Variants in MIEF1 observed in about 807,000 individuals in gnomAD.
MIEF1 encodes mitochondrial elongation factor 1, also known as mitochondrial dynamics protein MIEF1.
MIEF1 carries 14 observed loss-of-function variants against 35.1 expected under a neutral mutation model. The observed-to-expected ratio is 0.40, with a 90% confidence interval of 0.26 to 0.62. The LOEUF (loss-of-function observed/expected upper bound fraction) is 0.62, where lower values mean the gene tolerates loss of function less well. Ranked by LOEUF, MIEF1 falls within the 20% of genes least tolerant of loss-of-function variation. The probability of loss-of-function intolerance (pLI) is 0.43; values close to 1 mark genes in which losing one functional copy is unlikely to be tolerated. For missense variants in MIEF1, 542 were observed against 615.4 expected, an observed-to-expected ratio of 0.88 and a Z score of 1.26; for synonymous variants, 245 against 254.3, an observed-to-expected ratio of 0.96 and a Z score of 0.35.
chr22:39,512,371 G>C lies in MIEF1; in HGVS notation c.462G>C (p.Gln154His). 1 of 1,614,248 alleles carries C rather than the reference G, an allele frequency of 6.2e-7. No homozygotes were observed. Among genetic ancestry groups the C allele is most frequent in the Non-Finnish European group, 8.5e-7 (1 of 1,180,048 alleles). The change falls in exon 5 of 6, where the codon CAG becomes CAC. Residue 154 changes from glutamine (Q) to histidine (H), a missense_variant. By Grantham distance (24) the Gln-to-His change is conservative. Transcript: ENST00000325301. ...RNRAAIPAGE[Q>H]ARAKQAAVDI... ...GGGCAGCCATCCCTGCTGGAGAGCA[G>C]GCTCGGGCCAAGCAAGCTGCTGTGG...
At chr22:39,508,968 A>G (rs1930192014) in intron 2 of MIEF1, among the ~76,000 whole-genome samples, 1 of 151,676 alleles carries the variant, frequency 6.6e-6, no homozygotes, top group Non-Finnish European at 1.5e-5. Context: ...AAGGAATGTT[A>G]TTTTACATGG....
chr22:39,511,558 A>G (rs1012094670), intron 3 of MIEF1, 120 bp downstream of exon 3: 13 of 1,394,832 alleles, frequency 9.3e-6, no homozygotes, highest in Non-Finnish European at 1.2e-5. Context: ...GATAAGTGAA[A>G]AAAACAGGTT....
rs762610621 is a variant in MIEF1 at position 39,514,260 on chromosome 22, A to C, written c.1329A>C (p.Ile443=). The change falls in exon 6 of 6, where the codon ATA becomes ATC. Residue 443 remains isoleucine, a synonymous_variant. Coordinates refer to ENST00000325301, the MANE Select transcript of MIEF1 (RefSeq NM_019008.6). ...NLFAELTPEE[I]DELGYTLYCS... Reference sequence around the variant, plus strand: ...TTGCAGAGCTCACCCCTGAAGAAATAGACGAATTAGGATACACTCTGTATT... The same window carrying C: ...TTGCAGAGCTCACCCCTGAAGAAATCGACGAATTAGGATACACTCTGTATT... 2.5e-6 allele frequency: 4 copies of C among 1,614,212 alleles called. No individual in the cohort carries two copies. Among genetic ancestry groups the C allele is most frequent in the Non-Finnish European group, 3.4e-6 (4 of 1,180,046 alleles).
At chr22:39,509,184 G>A (rs979175444) in intron 2 of MIEF1, among the ~76,000 whole-genome samples, 5 of 152,096 alleles carry the variant, frequency 3.3e-5, no homozygotes, top group African/African-American at 7.2e-5. Context: ...TTGAACTTCC[G>A]ACCTCGTGAT....
Position 39,510,441 on chromosome 22 carries a change from T to C in MIEF1, c.-7-847T>C, listed in dbSNP as rs143564043. 6.3e-3 allele frequency among the ~76,000 whole-genome samples: 957 copies of C among 152,230 alleles called. 12 individuals are homozygous for C. Among genetic ancestry groups the C allele is most frequent in the African/African-American group, 0.021 (870 of 41,524 alleles). ...TGCCACCATGCTCAATTTATTTTTA[T>C]CTTTTACTTTTGGAGATGGGGGTCT... On this transcript the variant is annotated intron_variant, in intron 2 of 5. Coordinates refer to ENST00000325301, the MANE Select transcript of MIEF1 (RefSeq NM_019008.6).
chr22:39,500,949 A>G (rs1201209477), upstream of MIEF1, among the ~76,000 whole-genome samples: 1 of 152,040 alleles, frequency 6.6e-6, no homozygotes, highest in Non-Finnish European at 1.5e-5. Context: ...CGCCCACCTC[A>G]GCCTCCCAAA....
At position 39,513,960 on chromosome 22, in the gene MIEF1, C is replaced by G. The variant is rs143141890; in HGVS notation, c.1029C>G (p.Pro343=). 2 of 1,613,230 alleles carry G rather than the reference C, an allele frequency of 1.2e-6. No individual in the cohort carries two copies. Among genetic ancestry groups the G allele is most frequent in the East Asian group, 4.5e-5 (2 of 44,886 alleles). Residue 343 remains proline (P), a synonymous_variant, in exon 6 of 6, where the codon CCC becomes CCG. Coordinates refer to ENST00000325301, the MANE Select transcript of MIEF1 (RefSeq NM_019008.6). ...ACCTGTGGCGGCTGAGCCTGCGTCC[C>G]GCGGAGACGGCACGCCTGCGGGCTC... ...YDNLWRLSLR[P]AETARLRALD... is the part of the protein sequence containing the mutation.
In MIEF1 at chr22:39,511,266, C is replaced by T. The variant is rs369833627; in HGVS notation, c.-7-22C>T. On this transcript the variant is annotated intron_variant, in intron 2 of 5. Coordinates refer to ENST00000325301, the MANE Select transcript of MIEF1 (RefSeq NM_019008.6). ...TTCTTGGGGTCCCAGTACTTATGGC[C>T]GTGTTCTGTCTTCATTCTCAGATGA... 177 of 1,613,132 alleles carry T rather than the reference C, an allele frequency of 1.1e-4. No homozygotes were observed. In the South Asian group the frequency reaches 1.7e-3, roughly 15 times the overall value.
chr22:39,513,655 C>T lies in MIEF1; in HGVS notation c.724C>T (p.Pro242Ser). 2.5e-6 allele frequency: 4 copies of T among 1,614,164 alleles called. No individual in the cohort carries two copies. The highest frequency in any genetic ancestry group is 1.7e-6 in the Non-Finnish European group (2 of 1,180,034). Residue 242 changes from proline to serine, a missense_variant, in exon 6 of 6, where the codon CCT becomes TCT. Coordinates refer to ENST00000325301, the MANE Select transcript of MIEF1 (RefSeq NM_019008.6). Reference protein sequence around the residue: ...LVRRENPEYFPRGSSYWDRCV... With the variant: ...LVRRENPEYFSRGSSYWDRCV... ...GCGTCGTGAGAATCCAGAGTACTTTCCTCGTGGGAGCAGTTACTGGGACCG... is the reference window on the plus strand; with the variant it reads ...GCGTCGTGAGAATCCAGAGTACTTTTCTCGTGGGAGCAGTTACTGGGACCG...
At position 39,508,998 on chromosome 22, in the gene MIEF1, C is replaced by CT. The variant is rs879622681; in HGVS notation, c.-7-2278dup. On this transcript the variant is annotated intron_variant, in intron 2 of 5. Coordinates refer to ENST00000325301, the MANE Select transcript of MIEF1 (RefSeq NM_019008.6). ...ACATGGAAGATAATCCTCAGTGATC[C>CT]TTTTTTTTTTTTCTTCAAGACGGAG... Among the ~76,000 whole-genome samples the CT allele has an allele frequency of 8.9e-3, 1,295 of 145,868 alleles. 22 individuals are homozygous for CT. Among genetic ancestry groups the CT allele is most frequent in the African/African-American group, 0.028 (1,145 of 40,218 alleles).
chr22:39,511,680 T>C (rs915782641), intron 3 of MIEF1, among the ~76,000 whole-genome samples, 169 bp from the exon 4 acceptor site: 2 of 152,256 alleles, frequency 1.3e-5, no homozygotes, highest in Non-Finnish European at 1.5e-5. Context: ...TCTTATATCA[T>C]GTAGTCTTCC....
chr22:39,502,011 T>C (rs1406711515), upstream of MIEF1: 2 of 152,208 alleles, frequency 1.3e-5, no homozygotes, highest in Admixed American at 6.5e-5. Flanking sequence ...GGCTAAGGGG[T>C]TGCCAGCAGG....
At chr22:39,505,289 G>T (rs1250290614) in intron 2 of MIEF1, among the ~76,000 whole-genome samples, 1 of 152,158 alleles carries the variant, frequency 6.6e-6, no homozygotes, top group Non-Finnish European at 1.5e-5. Context: ...GCCTCAAGCA[G>T]TCCTCCCTTC....
chr22:39,507,440 G>GT (rs1347494096), intron 2 of MIEF1, among the ~76,000 whole-genome samples: 16 of 151,732 alleles, frequency 1.1e-4, no homozygotes, highest in East Asian at 5.9e-4. Flanking sequence ...AGAGACAGAG[G>GT]TTCACCGTGT....
In MIEF1 at chr22:39,517,960, C is replaced by G. The variant is rs1330139233; in HGVS notation, c.*3637C>G. The G allele has an allele frequency of 4.9e-6, 1 of 206,076 alleles. No homozygotes were observed. Among genetic ancestry groups the G allele is most frequent in the Non-Finnish European group, 1.0e-5 (1 of 99,532 alleles). The allele number at this position is 206,076 out of a possible 1,614,324, so 12.8% of individuals were successfully genotyped here. The stretch of plus-strand genomic sequence containing the variant: ...ATGTGTTAGCTGGTAGATTTGGAAT[C>G]AGTCACCAGTCTTTCTGTACTGTCT... On this transcript the variant is annotated 3_prime_UTR_variant, in exon 6 of 6. Coordinates refer to ENST00000325301, the MANE Select transcript of MIEF1 (RefSeq NM_019008.6).
Position 39,514,224 on chromosome 22 carries a change from G to A in MIEF1, c.1293G>A (p.Lys431=). 3.1e-6 allele frequency: 5 copies of A among 1,614,182 alleles called. No individual in the cohort carries two copies. The South Asian group carries it at 4.4e-5, about 14-fold the overall frequency. ...TCCTGCCCAGTGCCCTAAACCCCAA[G>A]GTGAACTTATTTGCAGAGCTCACCC... ...AGVLPSALNP[K]VNLFAELTPE... The change falls in exon 6 of 6, where the codon AAG becomes AAA. Residue 431 remains lysine, a synonymous_variant. Transcript: ENST00000325301.
rs1240344366 is a variant in MIEF1, at chr22:39,514,274, A to G, written c.1343A>G (p.Tyr448Cys). Reference protein sequence around the residue: ...LTPEEIDELGYTLYCSLSEPE... With the variant: ...LTPEEIDELGCTLYCSLSEPE... ...CCTGAAGAAATAGACGAATTAGGAT[A>G]CACTCTGTATTGCTCATTGTCTGAG... Residue 448 changes from tyrosine to cysteine, a missense_variant, in exon 6 of 6, where the codon TAC (tyrosine) becomes TGC (cysteine). By Grantham distance (194) the Tyr-to-Cys change is radical. Coordinates refer to ENST00000325301, the MANE Select transcript of MIEF1 (RefSeq NM_019008.6). 6.2e-7 allele frequency: 1 copy of G among 1,614,162 alleles called. No individual in the cohort carries two copies. Among genetic ancestry groups the G allele is most frequent in the Admixed American group, 1.7e-5 (1 of 60,024 alleles).
upstream of MIEF1, among the ~76,000 whole-genome samples, chr22:39,501,123 G>A (rs1929680318): frequency 6.6e-6 from 1 of 152,156 alleles, no homozygotes; most frequent in Non-Finnish European, 1.5e-5. Flanking sequence ...CCCTGCTGTG[G>A]TTCCTTTGCA....
In MIEF1 at chr22:39,513,746, G is replaced by A; in HGVS notation, c.815G>A (p.Gly272Asp). 1 of 1,613,958 alleles carries A rather than the reference G, an allele frequency of 6.2e-7. No individual in the cohort carries two copies. The highest frequency in any genetic ancestry group is 8.5e-7 in the Non-Finnish European group (1 of 1,180,002). ...GATACATTTGAGAAGGTAGTGGCTG[G>A]CTCCATCAATTGGCCAGCCATAGGG... is the stretch of plus-strand genomic sequence containing the variant. ...VADTFEKVVA[G>D]SINWPAIGSL... The change falls in exon 6 of 6, where the codon GGC (glycine) becomes GAC (aspartate). Residue 272 changes from glycine to aspartate, a missense_variant. By Grantham distance (94) the Gly-to-Asp change is moderately conservative. Transcript: ENST00000325301.
Sources: allele counts gnomAD v4.1 joint callset (sites outside exome capture counted in the v4.1 genomes callset), GRCh38; gene constraint gnomAD v4.1.1; transcripts MANE v1.5; gene names NCBI Gene and HGNC (gene_info 2026-07-23, HGNC 2026-07-21).